Variants in RICTOR observed in about 807,000 individuals in gnomAD.
RICTOR encodes the protein rapamycin-insensitive companion of mTOR.
A neutral mutation model predicts 214.9 loss-of-function variants in RICTOR; 49 were observed. The ratio of observed to expected loss-of-function variants is 0.23; its 90% CI spans 0.18 to 0.29. The LOEUF is 0.29. Ranked by LOEUF, RICTOR falls within the 10% of genes least tolerant of loss-of-function variation. RICTOR has a pLI of 1.00. For missense variants in RICTOR, 1,625 were observed against 2,047.0 expected (o/e 0.79, Z 3.98); for synonymous variants, 717 against 711.3 (o/e 1.01, Z -0.13).
chr5:39,051,042 TACACAC>T (rs111723153), intron 2 of RICTOR, among the ~76,000 whole-genome samples: 12 of 145,654 alleles, frequency 8.2e-5, no homozygotes, highest in African/African-American at 2.4e-4. Context: ...TACATATATA[TACACAC>T]ACACACACAC....
intron 2 of RICTOR, among the ~76,000 whole-genome samples, chr5:39,067,420 A>C (rs1483114544): frequency 6.6e-6 from 1 of 152,170 alleles, no homozygotes; most frequent in Non-Finnish European, 1.5e-5. Flanking sequence ...CACCTCCAGC[A>C]TTGGGGATTA....
chr5:38,975,733 GA>G, intron 9 of RICTOR, 129 bp from the exon 10 acceptor site: 4 of 680,420 alleles, frequency 5.9e-6, no homozygotes, highest in South Asian at 1.8e-5. Context: ...ATTAAAACAA[GA>G]CAAAGATCAG....
intron 21 of RICTOR, 119 bp downstream of exon 21, chr5:38,959,660 T>C (rs950200858): frequency 7.5e-5 from 49 of 653,128 alleles, no homozygotes; most frequent in Non-Finnish European, 6.8e-5. Context: ...GCAAAGATAA[T>C]GCTAATTTAA....
At chr5:39,040,310 C>A (rs1378488946) in intron 2 of RICTOR, among the ~76,000 whole-genome samples, 2 of 117,628 alleles carry the variant, frequency 1.7e-5, no homozygotes, top group Non-Finnish European at 3.3e-5. Flanking sequence ...CACACCGGGG[C>A]CTGTTGAGGG....
At chr5:38,955,737 T>C (rs761801702) in intron 25 of RICTOR, 33 bp from the exon 26 acceptor site, 2 of 1,145,012 alleles carry the variant, frequency 1.7e-6, no homozygotes, top group South Asian at 2.4e-5. Context: ...TTGCACATAG[T>C]ATCACAATGA....
In RICTOR at chr5:38,959,877, T is replaced by A. The variant is rs370390870; in HGVS notation, c.1953A>T (p.Leu651Phe). The A allele has an allele frequency of 8.7e-6, 14 of 1,612,352 alleles. No individual in the cohort carries two copies. The African/African-American group carries it at 1.7e-4, about 20-fold the overall frequency. The change falls in exon 21 of 38, where the codon TTA becomes TTT. Residue 651 changes from leucine (L) to phenylalanine (F), a missense_variant. Coordinates refer to ENST00000357387, the MANE Select transcript of RICTOR (RefSeq NM_152756.5). ...AGTAGTGTTGACTAAGGGTGGTCAA[T>A]AAACCATTATTTTGAAGACTTCTTT... is the stretch of plus-strand genomic sequence containing the variant. ...KPERSLQNNG[L>F]LTTLSQHYFL...
chr5:38,959,802 C>T lies in RICTOR; in HGVS notation c.2028G>A (p.Leu676=). 6.2e-7 allele frequency: 1 copy of T among 1,612,966 alleles called. No individual in the cohort carries two copies. The highest frequency in any genetic ancestry group is 8.5e-7 in the Non-Finnish European group (1 of 1,179,212). ...LSCHPHGVKM[L]EKCSVFQCLL... is the part of the protein sequence containing the mutation. ...ACCACTGAAATACACTGCATTTTTC[C>T]AGCATTTTAACTCCATGAGGGTGGC... Residue 676 remains leucine (L), a synonymous_variant, in exon 21 of 38, where the codon CTG becomes CTA. Transcript: ENST00000357387.
At chr5:39,027,305 A>G (rs1755902426) in intron 2 of RICTOR, among the ~76,000 whole-genome samples, 1 of 152,204 alleles carries the variant, frequency 6.6e-6, no homozygotes, top group Non-Finnish European at 1.5e-5. Context: ...TTAGGTGGTA[A>G]AAATTACTGA....
chr5:39,004,562 T>C (rs1193035259), intron 3 of RICTOR, among the ~76,000 whole-genome samples: 2 of 151,218 alleles, frequency 1.3e-5, no homozygotes, highest in Non-Finnish European at 2.9e-5. Context: ...CGGGTTCAAG[T>C]GATTCTCCCG....
intron 19 of RICTOR, among the ~76,000 whole-genome samples, chr5:38,960,990 C>A (rs1749748439): frequency 6.6e-6 from 1 of 152,062 alleles, no homozygotes; most frequent in African/African-American, 2.4e-5. Flanking sequence ...GTCAATTAAA[C>A]CTCTTTCCTT....
chr5:38,952,059 C>G (rs969875998), intron 30 of RICTOR, 137 bp downstream of exon 30: 4 of 606,052 alleles, frequency 6.6e-6, no homozygotes, highest in Admixed American at 2.9e-5. Context: ...TATACACATT[C>G]TCCAAGAGGC....
Position 39,020,338 on chromosome 5 carries a change from G to T in RICTOR, c.195+701C>A, listed in dbSNP as rs115803423. Among the ~76,000 whole-genome samples, 898 of 152,238 alleles carry T rather than the reference G, an allele frequency of 5.9e-3. 12 individuals are homozygous for T. Among genetic ancestry groups the T allele is most frequent in the African/African-American group, 0.021 (860 of 41,540 alleles). On this transcript the variant is annotated intron_variant, in intron 3 of 37. Transcript: ENST00000357387. ...ACGGAGAAATCTTTCGTGACAGGAA[G>T]AGTCAATGCGGCAAACTTCATTGCT...
At position 39,048,576 on chromosome 5, in the gene RICTOR, G is replaced by A. The variant is rs1757646409; in HGVS notation, c.97+25535C>T. ...GGGTTGTCACAATTCATAACTGGAG[G>A]GAACTAGCATGTCCTGTGTGACTCT... On this transcript the variant is annotated intron_variant, in intron 2 of 37. Transcript: ENST00000357387. 4.6e-5 allele frequency among the ~76,000 whole-genome samples: 7 copies of A among 152,256 alleles called. 1 individual carries two copies. In the South Asian group the frequency reaches 1.5e-3, roughly 32 times the overall value.
chr5:38,971,073 T>C (rs1332158223), intron 11 of RICTOR: 3 of 152,422 alleles, frequency 2.0e-5, no homozygotes, highest in African/African-American at 7.2e-5. Flanking sequence ...AATGGTGCGA[T>C]CTTGGCTCAC....
At chr5:39,000,069 T>C (rs1364864551) in intron 5 of RICTOR, among the ~76,000 whole-genome samples, 1 of 152,032 alleles carries the variant, frequency 6.6e-6, no homozygotes, top group Admixed American at 6.5e-5. Flanking sequence ...TAAGAAGATT[T>C]AGCAGTTCTA....
chr5:38,944,866 CA>C, intron 35 of RICTOR, 46 bp downstream of exon 35: 5 of 1,557,078 alleles, frequency 3.2e-6, no homozygotes, highest in Non-Finnish European at 4.4e-6. Flanking sequence ...ACCAACTAAT[CA>C]GAACAGTTTT....
chr5:39,023,107 GAAAAAC>G, intron 2 of RICTOR, among the ~76,000 whole-genome samples: 1 of 148,098 alleles, frequency 6.8e-6, no homozygotes, highest in South Asian at 2.2e-4. Flanking sequence ...GTTACATAGA[GAAAAAC>G]AAAAACAAAC....
At chr5:39,047,250 T>TG (rs1757556761) in intron 2 of RICTOR, among the ~76,000 whole-genome samples, 1 of 152,080 alleles carries the variant, frequency 6.6e-6, no homozygotes, top group East Asian at 1.9e-4. Context: ...CAGGGTCAAG[T>TG]GGGGGGGATG....
intron 8 of RICTOR, 79 bp downstream of exon 8, chr5:38,981,788 A>G (rs2150061268): frequency 2.0e-6 from 2 of 980,678 alleles, no homozygotes; most frequent in East Asian, 2.7e-5. Context: ...TGCTGCATCT[A>G]TAAAATTTAG....
Sources: allele counts gnomAD v4.1 joint callset (sites outside exome capture counted in the v4.1 genomes callset), GRCh38; gene constraint gnomAD v4.1.1; transcripts MANE v1.5; gene names NCBI Gene and HGNC (gene_info 2026-07-23, HGNC 2026-07-21).